The following PCDHGA2 variants were observed in gnomAD, a reference collection of about 807,000 sequenced individuals.
PCDHGA2 encodes protocadherin gamma subfamily A, 2, also known as protocadherin gamma-A2.
Under a neutral mutation model 59.2 loss-of-function variants are expected in PCDHGA2, and 40 were observed. The ratio of observed to expected loss-of-function variants is 0.68; its 90% CI spans 0.52 to 0.88. PCDHGA2 has a LOEUF of 0.88. Ranked by LOEUF, PCDHGA2 falls within the 40% of genes least tolerant of loss-of-function variation. The pLI, the probability that PCDHGA2 is intolerant of heterozygous loss-of-function variation, is 0.00. For missense variants in PCDHGA2, 1,226 were observed against 1,204.0 expected (o/e 1.02, Z -0.27); for synonymous variants, 560 against 526.0 (o/e 1.06, Z -0.89).
intron 1 of PCDHGA2, chr5:141,390,350 A>G: frequency 6.4e-7 from 1 of 1,563,816 alleles, no homozygotes; most frequent in South Asian, 1.2e-5. Context: ...AAGAAAATAT[A>G]CATATTTGCA....
intron 1 of PCDHGA2, chr5:141,357,369 C>A (rs370630847): frequency 1.1e-5 from 18 of 1,614,182 alleles, no homozygotes; most frequent in Non-Finnish European, 1.4e-5. Context: ...ACAAGTCACG[C>A]CTGCTTCACG....
rs1022748155 is a variant in PCDHGA2, at chr5:141,355,704, G to C, written c.2424+14309G>C. On this transcript the variant is annotated intron_variant, in intron 1 of 3. Transcript: ENST00000394576. ...CGGATGTAGGTGTAAACTCCCTGCA[G>C]GGTTACCAGCTCAACTCAAACGGTT... 1 of 1,613,986 alleles carries C rather than the reference G, an allele frequency of 6.2e-7. No individual in the cohort carries two copies. Among genetic ancestry groups the C allele is most frequent in the Admixed American group, 1.7e-5 (1 of 60,020 alleles).
intron 1 of PCDHGA2, chr5:141,413,659 A>G (rs2095663872): frequency 1.2e-6 from 2 of 1,613,830 alleles, no homozygotes; most frequent in African/African-American, 1.3e-5. Flanking sequence ...CCCGGAAGCT[A>G]TTGATCCGGA....
Position 141,385,307 on chromosome 5 carries a change from A to G in PCDHGA2, c.2424+43912A>G, listed in dbSNP as rs766207712. The stretch of plus-strand genomic sequence containing the variant: ...GTAGATTTTCAGGAATGTAAAGAAA[A>G]CCTGCCAAGTATTCAGGTGAGCCCA... On this transcript the variant is annotated intron_variant, in intron 1 of 3. Transcript: ENST00000394576. 19 of 1,612,402 alleles carry G rather than the reference A, an allele frequency of 1.2e-5. No homozygotes were observed. Among genetic ancestry groups the G allele is most frequent in the African/African-American group, 2.7e-5 (2 of 74,932 alleles).
At chr5:141,417,913 T>C in intron 1 of PCDHGA2, 1 of 1,601,944 alleles carries the variant, frequency 6.2e-7, no homozygotes, top group Admixed American at 1.8e-5. Context: ...AGGTACTATT[T>C]CCTTTGCTGC....
rs578223384 is a variant in PCDHGA2 at position 141,400,070 on chromosome 5, C to T, written c.2424+58675C>T. Reference sequence around the variant, plus strand: ...GTTGCTGTGCGTGATGGTGGACAGCCGCCACTCTCCGCCACCGCCACGCTG... The same window carrying T: ...GTTGCTGTGCGTGATGGTGGACAGCTGCCACTCTCCGCCACCGCCACGCTG... On this transcript the variant is annotated intron_variant, in intron 1 of 3. Coordinates refer to ENST00000394576, the MANE Select transcript of PCDHGA2 (RefSeq NM_018915.4). 1.2e-6 allele frequency: 2 copies of T among 1,613,922 alleles called. No individual in the cohort carries two copies. Among genetic ancestry groups the T allele is most frequent in the African/African-American group, 1.3e-5 (1 of 75,062 alleles).
At chr5:141,405,659 G>T (rs867774573) in intron 1 of PCDHGA2, among the ~76,000 whole-genome samples, 1 of 152,106 alleles carries the variant, frequency 6.6e-6, no homozygotes, top group East Asian at 1.9e-4. Flanking sequence ...TGTGTTTTTA[G>T]TAGAGACGGG....
chr5:141,351,477 T>G, intron 1 of PCDHGA2: 1 of 1,613,832 alleles, frequency 6.2e-7, no homozygotes. Flanking sequence ...GCTGGAGCCC[T>G]AAACCGGGAG....
At chr5:141,422,880 G>T in intron 1 of PCDHGA2, 1 of 1,614,258 alleles carries the variant, frequency 6.2e-7, no homozygotes, top group East Asian at 2.2e-5. Flanking sequence ...CGCTGAGCCT[G>T]TTCGTGCTGG....
intron 1 of PCDHGA2, among the ~76,000 whole-genome samples, chr5:141,373,147 T>C (rs1769357441): frequency 6.6e-6 from 1 of 152,270 alleles, no homozygotes; most frequent in African/African-American, 2.4e-5. Flanking sequence ...TTAAGTGGTT[T>C]ACTTAGTTTT....
chr5:141,440,902 G>C (rs138147244), intron 1 of PCDHGA2: 1 of 152,110 alleles, frequency 6.6e-6, no homozygotes, highest in Admixed American at 6.6e-5. Context: ...ATGTGCATCC[G>C]GGCACTCCTG....
In PCDHGA2 at chr5:141,476,299, C is replaced by G; in HGVS notation, c.2425-18508C>G. On this transcript the variant is annotated intron_variant, in intron 1 of 3. Transcript: ENST00000394576. This position sits in a 1 kb window ranked among gnomAD's most constrained non-coding sequence, Gnocchi z 7.6. The stretch of plus-strand genomic sequence containing the variant: ...ACCTTGGTTTGGATCTCGGTAGCCT[C>G]TCAGCCCGCAGGTTCCGGGTGGTGT... The G allele has an allele frequency of 6.2e-7, 1 of 1,614,100 alleles. No individual in the cohort carries two copies. The highest frequency in any genetic ancestry group is 8.5e-7 in the Non-Finnish European group (1 of 1,180,014).
At chr5:141,428,141 G>C (rs1314061143) in intron 1 of PCDHGA2, 2 of 1,596,500 alleles carry the variant, frequency 1.3e-6, no homozygotes, top group African/African-American at 2.7e-5. Context: ...GCCTGGGGCT[G>C]CACACGGGAA....
chr5:141,497,031 A>G (rs898409925), intron 2 of PCDHGA2, among the ~76,000 whole-genome samples: 14 of 152,184 alleles, frequency 9.2e-5, no homozygotes, highest in African/African-American at 3.4e-4. Context: ...TCGATTAAAA[A>G]TACAAAAATT....
intron 2 of PCDHGA2, among the ~76,000 whole-genome samples, chr5:141,502,564 C>T (rs2099815067): frequency 1.3e-5 from 2 of 151,774 alleles, no homozygotes; most frequent in East Asian, 1.9e-4. Context: ...CCAGATCTCT[C>T]CATTATAAAA....
intron 1 of PCDHGA2, among the ~76,000 whole-genome samples, chr5:141,453,288 ATTATTTATTTAT>A (rs577328880): frequency 6.6e-6 from 1 of 151,342 alleles, no homozygotes; most frequent in African/African-American, 2.4e-5. Context: ...TAATTTTTTA[ATTATTTATTTAT>A]TTATTTATTT....
At chr5:141,408,308 T>C in intron 1 of PCDHGA2, 1 of 1,613,744 alleles carries the variant, frequency 6.2e-7, no homozygotes, top group South Asian at 1.1e-5. Flanking sequence ...GATCCGCTAC[T>C]CGATTCCGGA....
intron 1 of PCDHGA2, chr5:141,371,031 A>G (rs1561549182): frequency 1.2e-6 from 2 of 1,613,872 alleles, no homozygotes; most frequent in East Asian, 2.2e-5. Flanking sequence ...CCTGGTCCTC[A>G]CAGCTGTGGA....
chr5:141,479,188 A>G (rs2099489531), intron 1 of PCDHGA2: 1 of 152,606 alleles, frequency 6.6e-6, no homozygotes. Context: ...TAGAAAATTC[A>G]GAAAATACAG....
Sources: allele counts gnomAD v4.1 joint callset (sites outside exome capture counted in the v4.1 genomes callset), GRCh38; gene constraint gnomAD v4.1.1; non-coding constraint Gnocchi (gnomAD v3.1); transcripts MANE v1.5; gene names NCBI Gene and HGNC (gene_info 2026-07-23, HGNC 2026-07-21).